The following MTCL2 variants were observed in gnomAD, a reference collection of about 807,000 sequenced individuals.
MTCL2 encodes microtubule cross-linking factor 2.
the MTCL2 span, among the ~76,000 whole-genome samples, chr20:36,807,203 C>T: frequency 1.3e-5 from 2 of 152,244 alleles, no homozygotes; most frequent in African/African-American, 4.8e-5. Context: ...GAGCTGGTGG[C>T]CTGCGAGAAT....
At chr20:36,850,178 C>A in the MTCL2 span, among the ~76,000 whole-genome samples, 28 of 152,264 alleles carry the variant, frequency 1.8e-4, no homozygotes, top group East Asian at 4.8e-3. Context: ...AGCCCACCCA[C>A]TCCCATGGGA....
chr20:36,856,859 C>T, the MTCL2 span, among the ~76,000 whole-genome samples: 2 of 151,676 alleles, frequency 1.3e-5, no homozygotes, highest in East Asian at 1.9e-4. Context: ...TGTGTGTGTG[C>T]GTGCGCGCAC....
chr20:36,845,183 A>C, the MTCL2 span, among the ~76,000 whole-genome samples: 1 of 152,232 alleles, frequency 6.6e-6, no homozygotes. Flanking sequence ...AGACTTGCTG[A>C]ATCAGAAACT....
At chr20:36,797,831 G>A in the MTCL2 span, among the ~76,000 whole-genome samples, 1 of 152,224 alleles carries the variant, frequency 6.6e-6, no homozygotes, top group Non-Finnish European at 1.5e-5. Context: ...CCATGACTAT[G>A]TGAATTCATG....
At chr20:36,799,552 G>T in the MTCL2 span, among the ~76,000 whole-genome samples, 190 of 151,856 alleles carry the variant, frequency 1.3e-3, 2 homozygotes, top group South Asian at 3.1e-3. Flanking sequence ...AGCCAGGCAT[G>T]GTAGAGTGTG....
chr20:36,786,657 G>A, the MTCL2 span: 19 of 1,542,664 alleles, frequency 1.2e-5, no homozygotes, highest in Admixed American at 2.0e-5. Flanking sequence ...GGGAGGCAGG[G>A]AGGCAGGAAG....
the MTCL2 span, chr20:36,808,504 C>T: frequency 6.3e-7 from 1 of 1,578,022 alleles, no homozygotes; most frequent in Non-Finnish European, 8.6e-7. Flanking sequence ...GTCCCTGGCC[C>T]AATCTTACCT....
At chr20:36,808,398 A>T in the MTCL2 span, 3 of 797,960 alleles carry the variant, frequency 3.8e-6, no homozygotes, top group Admixed American at 8.4e-5. Flanking sequence ...GGAAGCCTGC[A>T]TGCTGATGGC....
At chr20:36,849,060 CTTTTT>C in the MTCL2 span, among the ~76,000 whole-genome samples, 1 of 62,238 alleles carries the variant, frequency 1.6e-5, no homozygotes, top group Non-Finnish European at 2.7e-5. Flanking sequence ...AGTTGGTTTC[CTTTTT>C]TTTTTTTTTT....
chr20:36,824,592 A>G, the MTCL2 span, among the ~76,000 whole-genome samples: 3 of 152,236 alleles, frequency 2.0e-5, no homozygotes, highest in African/African-American at 7.2e-5. Flanking sequence ...TGGTGACGCT[A>G]CAAAACATCA....
chr20:36,797,511 G>C, the MTCL2 span: 1 of 1,554,256 alleles, frequency 6.4e-7, no homozygotes, highest in African/African-American at 1.4e-5. Context: ...CCTCCTTCCA[G>C]CTGTTGTCCT....
At chr20:36,854,921 G>T in the MTCL2 span, among the ~76,000 whole-genome samples, 1 of 152,276 alleles carries the variant, frequency 6.6e-6, no homozygotes. Flanking sequence ...ACGACGCCGT[G>T]GGGGAGGGAA....
At chr20:36,846,519 T>C in the MTCL2 span, among the ~76,000 whole-genome samples, 2 of 152,230 alleles carry the variant, frequency 1.3e-5, no homozygotes, top group Non-Finnish European at 2.9e-5. Flanking sequence ...GCTTTTTTGC[T>C]CTGATTACAG....
the MTCL2 span, among the ~76,000 whole-genome samples, chr20:36,840,343 T>C: frequency 1.3e-5 from 2 of 151,264 alleles, no homozygotes; most frequent in Non-Finnish European, 3.0e-5. Context: ...TTTTTTTTTT[T>C]ATTTTTAGTA....
chr20:36,822,104 C>A, the MTCL2 span, among the ~76,000 whole-genome samples: 1 of 152,246 alleles, frequency 6.6e-6, no homozygotes, highest in African/African-American at 2.4e-5. Flanking sequence ...CCACACAGCC[C>A]TGCCATTCTG....
chr20:36,835,314 G>T, the MTCL2 span, among the ~76,000 whole-genome samples: 2 of 152,258 alleles, frequency 1.3e-5, no homozygotes, highest in South Asian at 2.1e-4. Context: ...GGGTTGGGGG[G>T]GGGCACTGAG....
At chr20:36,844,791 C>T in the MTCL2 span, among the ~76,000 whole-genome samples, 6 of 152,162 alleles carry the variant, frequency 3.9e-5, no homozygotes, top group East Asian at 9.7e-4. Flanking sequence ...GAGACCGAGG[C>T]GGGCGGACCA....
the MTCL2 span, among the ~76,000 whole-genome samples, chr20:36,801,731 C>A: frequency 6.6e-6 from 1 of 151,080 alleles, no homozygotes; most frequent in Non-Finnish European, 1.5e-5. Context: ...TTTGGAAGAC[C>A]GAGGCGGGCG....
chr20:36,825,533 C>T, the MTCL2 span, among the ~76,000 whole-genome samples: 2 of 152,218 alleles, frequency 1.3e-5, no homozygotes, highest in African/African-American at 4.8e-5. Context: ...GGTAGCTGGG[C>T]AACAGTGCCA....
Sources: allele counts gnomAD v4.1 joint callset (sites outside exome capture counted in the v4.1 genomes callset), GRCh38; gene constraint gnomAD v4.1.1; transcripts MANE v1.5; gene names NCBI Gene and HGNC (gene_info 2026-07-23, HGNC 2026-07-21).